KCNQ5: variants seen among roughly 807,000 people sequenced by gnomAD.
KCNQ5 encodes the protein potassium voltage-gated channel subfamily KQT member 5.
In KCNQ5, 30 loss-of-function variants were observed where a neutral mutation model predicts 98.2. The observed-to-expected ratio is 0.31, with a 90% confidence interval of 0.23 to 0.41. The LOEUF is 0.41. KCNQ5 is among the 10% of genes least tolerant of loss of function. KCNQ5 has a pLI of 1.00. For missense variants in KCNQ5, 835 were observed against 1,182.5 expected (o/e 0.71, Z 4.31); for synonymous variants, 458 against 449.4 (o/e 1.02, Z -0.24).
intron 5 of KCNQ5, among the ~76,000 whole-genome samples, chr6:73,096,856 A>C (rs1774523895): frequency 6.6e-6 from 1 of 152,118 alleles, no homozygotes; most frequent in Non-Finnish European, 1.5e-5. Context: ...CAGCCTGGCC[A>C]ACATGGTGAA....
chr6:72,764,945 C>A (rs1772487471), intron 1 of KCNQ5, among the ~76,000 whole-genome samples: 1 of 151,990 alleles, frequency 6.6e-6, no homozygotes, highest in South Asian at 2.1e-4. Context: ...TTGCAAATGA[C>A]TGGATCTCAT....
At chr6:73,109,541 T>G (rs1342194454) in intron 6 of KCNQ5, among the ~76,000 whole-genome samples, 4 of 152,228 alleles carry the variant, frequency 2.6e-5, no homozygotes, top group African/African-American at 9.7e-5. Context: ...TAAAGAAATC[T>G]TTCCTAAATG....
intron 11 of KCNQ5, among the ~76,000 whole-genome samples, chr6:73,173,131 T>C (rs369679906): frequency 3.9e-5 from 6 of 152,212 alleles, no homozygotes; most frequent in Admixed American, 3.9e-4. Context: ...AAATATGTCT[T>C]TTACTCAGAA....
intron 3 of KCNQ5, among the ~76,000 whole-genome samples, chr6:73,057,540 A>AACC (rs1772576897): frequency 6.6e-6 from 1 of 152,246 alleles, no homozygotes; most frequent in South Asian, 2.1e-4. Context: ...AAATACAGCT[A>AACC]ACCAGGTAGG....
intron 1 of KCNQ5, among the ~76,000 whole-genome samples, chr6:72,726,855 T>A (rs189459571): frequency 3.1e-4 from 47 of 152,222 alleles, no homozygotes; most frequent in Non-Finnish European, 4.7e-4. Flanking sequence ...TTTCAAATTG[T>A]TTTAGAGATG....
At chr6:72,905,738 A>G (rs550631208) in intron 1 of KCNQ5, among the ~76,000 whole-genome samples, 2 of 152,244 alleles carry the variant, frequency 1.3e-5, no homozygotes, top group East Asian at 3.9e-4. Flanking sequence ...ATGGAGTTCT[A>G]TGATGTGAAC....
At chr6:72,854,210 G>T (rs1394094602) in intron 1 of KCNQ5, among the ~76,000 whole-genome samples, 1 of 152,098 alleles carries the variant, frequency 6.6e-6, no homozygotes, top group African/African-American at 2.4e-5. Flanking sequence ...CTTTTAGTTT[G>T]CTTAGTAGAA....
At chr6:73,101,771 A>G (rs939845814) in intron 5 of KCNQ5, among the ~76,000 whole-genome samples, 2 of 152,166 alleles carry the variant, frequency 1.3e-5, no homozygotes, top group African/African-American at 4.8e-5. Context: ...AAGGAAAGAT[A>G]TTTCATGTTC....
chr6:72,700,221 G>A (rs373103742), intron 1 of KCNQ5, among the ~76,000 whole-genome samples: 1 of 152,060 alleles, frequency 6.6e-6, no homozygotes, highest in Non-Finnish European at 1.5e-5. Flanking sequence ...ATACAAATTC[G>A]GTTCTGTTTG....
rs141210949 is a variant in KCNQ5 at position 73,149,297 on chromosome 6, T to C, written c.1468+15656T>C. On this transcript the variant is annotated intron_variant, in intron 10 of 13. Coordinates refer to ENST00000370398, the MANE Select transcript of KCNQ5 (RefSeq NM_019842.4). Reference sequence around the variant, plus strand: ...AGCCAGTGTCATTTCTTGAGCCTTTTAGGTTTTACTCAAAGATTTTTGGTT... The same window carrying C: ...AGCCAGTGTCATTTCTTGAGCCTTTCAGGTTTTACTCAAAGATTTTTGGTT... Among the ~76,000 whole-genome samples, 206 of 152,364 alleles carry C rather than the reference T, an allele frequency of 1.4e-3. 1 individual carries two copies. The highest frequency in any genetic ancestry group is 3.4e-3 in the Middle Eastern group (1 of 294).
Position 73,080,366 on chromosome 6 carries a change from C to T in KCNQ5, c.918+2479C>T, listed in dbSNP as rs187291688. 4.3e-4 allele frequency among the ~76,000 whole-genome samples: 66 copies of T among 152,040 alleles called. 1 individual carries two copies. The East Asian group carries it at 0.012, about 27-fold the overall frequency. On this transcript the variant is annotated intron_variant, in intron 5 of 13. Transcript: ENST00000370398. ...AAAAATTTTATAAGAGATCAAACTTCGAAGAATTTTTTAAGGCCTTATTGG... is the reference window on the plus strand; with the variant it reads ...AAAAATTTTATAAGAGATCAAACTTTGAAGAATTTTTTAAGGCCTTATTGG...
At chr6:72,952,787 G>A (rs560969742) in intron 1 of KCNQ5, among the ~76,000 whole-genome samples, 11 of 152,122 alleles carry the variant, frequency 7.2e-5, no homozygotes, top group South Asian at 2.1e-4. Context: ...GACCTTTCTC[G>A]GGAATCTTCC....
intron 5 of KCNQ5, among the ~76,000 whole-genome samples, chr6:73,098,034 G>A (rs1201643230): frequency 6.6e-6 from 1 of 151,944 alleles, no homozygotes; most frequent in Non-Finnish European, 1.5e-5. Context: ...ATAACACAGA[G>A]AATGAATTCA....
rs192889813 is a variant in KCNQ5 at position 73,095,638 on chromosome 6, C to T, written c.919-9619C>T. On this transcript the variant is annotated intron_variant, in intron 5 of 13. Coordinates refer to ENST00000370398, the MANE Select transcript of KCNQ5 (RefSeq NM_019842.4). The stretch of plus-strand genomic sequence containing the variant: ...GTTCCCTTGGTGTAGTACTCTCCCC[C>T]TGTTCCTATGGATGTGACTTCCTGA... 1.2e-3 allele frequency among the ~76,000 whole-genome samples: 179 copies of T among 152,284 alleles called. 1 individual carries two copies. The highest frequency in any genetic ancestry group is 3.4e-3 in the Middle Eastern group (1 of 294).
chr6:72,727,588 A>C (rs1770350722), intron 1 of KCNQ5, among the ~76,000 whole-genome samples: 1 of 152,168 alleles, frequency 6.6e-6, no homozygotes, highest in Non-Finnish European at 1.5e-5. Context: ...AAAATAATTT[A>C]GAATCAATAG....
At chr6:72,962,611 G>A (rs933090817) in intron 1 of KCNQ5, among the ~76,000 whole-genome samples, 3 of 152,192 alleles carry the variant, frequency 2.0e-5, no homozygotes, top group Non-Finnish European at 4.4e-5. Flanking sequence ...AGTCCAGAGG[G>A]ACATAGAGAA....
At chr6:72,658,579 T>TATATATATATATATA (rs34408725) in intron 1 of KCNQ5, among the ~76,000 whole-genome samples, 19 of 69,632 alleles carry the variant, frequency 2.7e-4, no homozygotes, top group African/African-American at 7.4e-4. Flanking sequence ...TATATATATA[T>TATATATATATATATA]TTTTTTTTTT....
intron 1 of KCNQ5, among the ~76,000 whole-genome samples, chr6:72,708,488 A>C (rs921548161): frequency 1.3e-5 from 2 of 152,190 alleles, no homozygotes; most frequent in Non-Finnish European, 2.9e-5. Flanking sequence ...GAGAAGAAAA[A>C]GCTACATTTG....
At chr6:73,140,327 A>G (rs1338058410) in intron 10 of KCNQ5, among the ~76,000 whole-genome samples, 2 of 152,218 alleles carry the variant, frequency 1.3e-5, no homozygotes, top group African/African-American at 2.4e-5. Flanking sequence ...GTGTTTCCAC[A>G]AAATGCCAAG....
Sources: allele counts gnomAD v4.1 joint callset (sites outside exome capture counted in the v4.1 genomes callset), GRCh38; gene constraint gnomAD v4.1.1; transcripts MANE v1.5; gene names NCBI Gene and HGNC (gene_info 2026-07-23, HGNC 2026-07-21).